The following KIF6 variants were observed in gnomAD, a reference collection of about 807,000 sequenced individuals.
KIF6 encodes the protein kinesin-like protein KIF6.
KIF6 carries 106 observed loss-of-function variants against 112.7 expected under a neutral mutation model. The ratio of observed to expected loss-of-function variants is 0.94; its 90% CI spans 0.80 to 1.11. KIF6 has a LOEUF of 1.11. Ranked by LOEUF, KIF6 falls within the 50% of genes least tolerant of loss-of-function variation. The pLI, the probability that KIF6 is intolerant of heterozygous loss-of-function variation, is 0.00. For missense variants in KIF6, 929 were observed against 964.0 expected, an observed-to-expected ratio of 0.96 and a Z score of 0.48; for synonymous variants, 339 against 339.9, an observed-to-expected ratio of 1.00 and a Z score of 0.03.
intron 3 of KIF6, among the ~76,000 whole-genome samples, chr6:39,682,570 G>A (rs928333760): frequency 3.9e-5 from 6 of 152,090 alleles, no homozygotes; most frequent in African/African-American, 1.4e-4. Context: ...ACTACAATGT[G>A]ACTAGATAAT....
chr6:39,654,668 C>A (rs926452027), intron 3 of KIF6, among the ~76,000 whole-genome samples: 2 of 152,210 alleles, frequency 1.3e-5, no homozygotes, highest in African/African-American at 4.8e-5. Flanking sequence ...CATCCTCCAA[C>A]TTTCACCATA....
At chr6:39,686,399 C>T (rs993093398) in intron 3 of KIF6, among the ~76,000 whole-genome samples, 1 of 152,166 alleles carries the variant, frequency 6.6e-6, no homozygotes, top group Non-Finnish European at 1.5e-5. Flanking sequence ...GCTAATTATG[C>T]CAATCACATG....
intron 3 of KIF6, among the ~76,000 whole-genome samples, chr6:39,642,553 C>T (rs181314798): frequency 6.6e-6 from 1 of 152,240 alleles, no homozygotes; most frequent in Admixed American, 6.5e-5. Flanking sequence ...ACTCATGGTA[C>T]TTGTCTTTGT....
At chr6:39,457,492 C>A (rs1293627445) in intron 13 of KIF6, among the ~76,000 whole-genome samples, 1 of 148,990 alleles carries the variant, frequency 6.7e-6, no homozygotes, top group Non-Finnish European at 1.5e-5. Context: ...CATTCAAAAG[C>A]TAGCAGAAGG....
At chr6:39,636,984 A>G (rs2150762721) in intron 4 of KIF6, among the ~76,000 whole-genome samples, 1 of 152,162 alleles carries the variant, frequency 6.6e-6, no homozygotes, top group East Asian at 1.9e-4. Context: ...AAATCTTACA[A>G]AAGTGTGTGG....
At position 39,455,578 on chromosome 6, in the gene KIF6, C is replaced by T. The variant is rs377490420; in HGVS notation, c.1646-24417G>A. Reference sequence around the variant, plus strand: ...CAGACGATCAAATTACTCTGAGCTACGGGAGGACATTCAAACCAAAGGCAA... The same window carrying T: ...CAGACGATCAAATTACTCTGAGCTATGGGAGGACATTCAAACCAAAGGCAA... On this transcript the variant is annotated intron_variant, in intron 13 of 22. Transcript: ENST00000287152. 1.9e-4 allele frequency among the ~76,000 whole-genome samples: 28 copies of T among 151,332 alleles called. No individual in the cohort carries two copies. The East Asian group carries it at 3.5e-3, about 19-fold the overall frequency.
At chr6:39,432,060 C>T (rs986558286) in intron 13 of KIF6, among the ~76,000 whole-genome samples, 1 of 152,048 alleles carries the variant, frequency 6.6e-6, no homozygotes, top group African/African-American at 2.4e-5. Flanking sequence ...TCGTCAAAGC[C>T]CAGGCAGAAC....
In KIF6 at chr6:39,334,972, G is replaced by A. The variant is rs574776317; in HGVS notation, c.*1560C>T. The stretch of plus-strand genomic sequence containing the variant: ...CGATGGGATTCAGTCAGAGCCTGGG[G>A]GAAGTCAGAGTGACACCAGCCTGAG... On this transcript the variant is annotated 3_prime_UTR_variant, in exon 23 of 23. Transcript: ENST00000287152. 1 of 152,276 alleles carries A rather than the reference G, an allele frequency of 6.6e-6. No individual in the cohort carries two copies. The highest frequency in any genetic ancestry group is 6.5e-5 in the Admixed American group (1 of 15,298). The allele number at this position is 152,276 out of a possible 1,614,324, so 9.4% of individuals were successfully genotyped here. A position where few individuals can be genotyped will look rare whatever the true frequency, so the allele number is the denominator to read the frequency against.
intron 13 of KIF6, among the ~76,000 whole-genome samples, chr6:39,471,127 G>A (rs1336651765): frequency 6.6e-6 from 1 of 152,120 alleles, no homozygotes; most frequent in Non-Finnish European, 1.5e-5. Context: ...TCTCTGCTAG[G>A]TTTTCATTTC....
chr6:39,372,859 C>G (rs1766129028), intron 16 of KIF6, among the ~76,000 whole-genome samples: 2 of 152,152 alleles, frequency 1.3e-5, no homozygotes, highest in African/African-American at 2.4e-5. Context: ...TTGCACCCAT[C>G]ATTTGTATTT....
intron 13 of KIF6, among the ~76,000 whole-genome samples, chr6:39,471,460 G>A (rs1352596807): frequency 6.6e-6 from 1 of 152,150 alleles, no homozygotes; most frequent in Non-Finnish European, 1.5e-5. Context: ...TGGTCACAGG[G>A]CCAGCGCTCG....
intron 15 of KIF6, among the ~76,000 whole-genome samples, chr6:39,401,202 C>T (rs960995496): frequency 7.2e-5 from 11 of 152,356 alleles, no homozygotes; most frequent in African/African-American, 1.4e-4. Flanking sequence ...TTACAGTGGC[C>T]GGAGGCCAGT....
At chr6:39,676,021 A>G (rs113302386) in intron 3 of KIF6, among the ~76,000 whole-genome samples, 2,969 of 151,260 alleles carry the variant, frequency 0.02, 54 homozygotes, top group Non-Finnish European at 0.029. Flanking sequence ...AATATGAGTT[A>G]CAGAAATAGG....
intron 7 of KIF6, among the ~76,000 whole-genome samples, chr6:39,595,380 G>A (rs1450956011): frequency 6.6e-6 from 1 of 152,188 alleles, no homozygotes; most frequent in Non-Finnish European, 1.5e-5. Context: ...GTAATCTTGT[G>A]GGAAGGCCTT....
chr6:39,488,642 G>C (rs1402358416), intron 13 of KIF6, among the ~76,000 whole-genome samples: 1 of 152,136 alleles, frequency 6.6e-6, no homozygotes, highest in African/African-American at 2.4e-5. Context: ...CTGACATCGT[G>C]CTTGGCACTC....
chr6:39,612,249 G>C (rs895892876), intron 6 of KIF6, among the ~76,000 whole-genome samples: 4 of 152,180 alleles, frequency 2.6e-5, no homozygotes, highest in Admixed American at 2.0e-4. Context: ...GACTACTTAT[G>C]CTTTCAGCTT....
intron 13 of KIF6, among the ~76,000 whole-genome samples, chr6:39,508,788 G>C (rs1776595803): frequency 6.6e-6 from 1 of 152,146 alleles, no homozygotes; most frequent in South Asian, 2.1e-4. Context: ...TCCACTTCTG[G>C]GGGCAGGGCA....
intron 3 of KIF6, among the ~76,000 whole-genome samples, chr6:39,698,318 A>G (rs1788675082): frequency 6.6e-6 from 1 of 152,202 alleles, no homozygotes; most frequent in African/African-American, 2.4e-5. Context: ...GAATCATACA[A>G]AAGAAGTTTG....
intron 13 of KIF6, among the ~76,000 whole-genome samples, chr6:39,492,010 C>A (rs530250897): frequency 2.0e-5 from 3 of 152,132 alleles, no homozygotes; most frequent in African/African-American, 4.8e-5. Context: ...TCCGGAACAG[C>A]CTTTTCAGTC....
Sources: allele counts gnomAD v4.1 joint callset (sites outside exome capture counted in the v4.1 genomes callset), GRCh38; gene constraint gnomAD v4.1.1; transcripts MANE v1.5; gene names NCBI Gene and HGNC (gene_info 2026-07-23, HGNC 2026-07-21).